Variants in MED21 observed in about 807,000 individuals in gnomAD.
The protein encoded by MED21 is mediator complex subunit 21.
MED21 carries 9 observed loss-of-function variants against 18.2 expected under a neutral mutation model. The ratio of observed to expected loss-of-function variants is 0.49; its 90% CI spans 0.30 to 0.86. The LOEUF is 0.86. Among genes scored for constraint, MED21 ranks in the 40% least tolerant of loss-of-function variants. The pLI is 0.07. For synonymous variants in MED21, 73 were observed against 60.5 expected, an observed-to-expected ratio of 1.21 and a Z score of -0.96; for missense variants, 150 against 170.9, an observed-to-expected ratio of 0.88 and a Z score of 0.68.
Position 27,030,399 on chromosome 12 carries a change from G to A in MED21, c.*1938G>A, listed in dbSNP as rs1039511642. ...ATTAATACTATACAGTAGACTATAA[G>A]AAATTAAGTATTTGTATCATCCCTA... On this transcript the variant is annotated 3_prime_UTR_variant, in exon 4 of 4. Transcript: ENST00000282892. The A allele has an allele frequency of 5.1e-6, 2 of 391,428 alleles. No homozygotes were observed. The highest frequency in any genetic ancestry group is 4.4e-5 in the Admixed American group (1 of 22,538). 24.2% of individuals were successfully genotyped at this position (391,428 alleles called of 1,614,324 possible).
chr12:27,032,569 A>G (rs1171762555), downstream of MED21, among the ~76,000 whole-genome samples: 1 of 152,166 alleles, frequency 6.6e-6, no homozygotes, highest in Admixed American at 6.5e-5. Flanking sequence ...GCCACTGACT[A>G]CAGTATTAAC....
intron 1 of MED21, among the ~76,000 whole-genome samples, chr12:27,023,927 C>CTA (rs1193588622): frequency 1.3e-5 from 2 of 152,098 alleles, no homozygotes; most frequent in East Asian, 3.9e-4. Context: ...ATTGTATGTG[C>CTA]TATGCTTTCA....
chr12:27,030,000 AAAG>A lies in MED21; in HGVS notation c.*1543_*1545del, dbSNP rs1344422855. ...GAAGGAAACTTAGAATGGCAGGAATAAAGAAGGCATAATGTATAGGGTAAATAT... is the reference window on the plus strand; with the variant it reads ...GAAGGAAACTTAGAATGGCAGGAATAAAGGCATAATGTATAGGGTAAATAT... On this transcript the variant is annotated 3_prime_UTR_variant, in exon 4 of 4. Transcript: ENST00000282892. 37 of 166,858 alleles carry A rather than the reference AAAG, an allele frequency of 2.2e-4. No individual in the cohort carries two copies. Among genetic ancestry groups the A allele is most frequent in the African/African-American group, 6.9e-4 (29 of 41,848 alleles). 10.3% of individuals were successfully genotyped at this position (166,858 alleles called of 1,614,324 possible).
intron 1 of MED21, among the ~76,000 whole-genome samples, chr12:27,025,169 G>A (rs941844249): frequency 3.3e-5 from 5 of 152,156 alleles, no homozygotes; most frequent in Non-Finnish European, 7.3e-5. Flanking sequence ...GCTATAATAG[G>A]AGAATGTATC....
At position 27,030,436 on chromosome 12, in the gene MED21, A is replaced by AT. The variant is rs1320929354; in HGVS notation, c.*1980dup. On this transcript the variant is annotated 3_prime_UTR_variant, in exon 4 of 4. Coordinates refer to ENST00000282892, the MANE Select transcript of MED21 (RefSeq NM_004264.5). ...TTGTATCATCCCTAGAGCGACACAG[A>AT]TTTTTCCCTAAAAAACTACAGATTA... The AT allele has an allele frequency of 1.1e-5, 4 of 379,000 alleles. No homozygotes were observed. Among genetic ancestry groups the AT allele is most frequent in the Non-Finnish European group, 1.9e-5 (4 of 215,148 alleles). 23.5% of individuals were successfully genotyped at this position (379,000 alleles called of 1,614,324 possible). A position where few individuals can be genotyped will look rare whatever the true frequency, so the allele number is the denominator to read the frequency against.
intron 2 of MED21, among the ~76,000 whole-genome samples, chr12:27,036,231 G>A (rs1173161960): frequency 6.6e-6 from 1 of 152,182 alleles, no homozygotes; most frequent in Admixed American, 6.5e-5. Flanking sequence ...CTGCATAAAT[G>A]TCTTCTTTTG....
intron 1 of MED21, among the ~76,000 whole-genome samples, chr12:27,026,180 C>G (rs190986942): frequency 9.8e-5 from 15 of 152,292 alleles, no homozygotes; most frequent in Admixed American, 2.6e-4. Context: ...ACTGTTTCAA[C>G]TAGATTTATA....
Position 27,030,524 on chromosome 12 carries a change from A to G in MED21, c.*2063A>G. ...AAAAGATTCAGGTAACCCAGGAACG[A>G]GAAACAGAATAAAACAATAGTAAAC... On this transcript the variant is annotated 3_prime_UTR_variant, in exon 4 of 4. Coordinates refer to ENST00000282892, the MANE Select transcript of MED21 (RefSeq NM_004264.5). 1 of 252,622 alleles carries G rather than the reference A, an allele frequency of 4.0e-6. No homozygotes were observed. Among genetic ancestry groups the G allele is most frequent in the Non-Finnish European group, 7.4e-6 (1 of 134,536 alleles). 15.6% of individuals were successfully genotyped at this position (252,622 alleles called of 1,614,324 possible).
intron 3 of MED21, 132 bp downstream of exon 3, chr12:27,027,579 A>G (rs1426635331): frequency 3.2e-6 from 2 of 623,670 alleles, no homozygotes; most frequent in Admixed American, 6.1e-5. Context: ...ATTTATAAAG[A>G]ACAGAAATTT....
At chr12:27,034,233 T>C (rs1399470943), downstream of MED21, among the ~76,000 whole-genome samples, 2 of 152,040 alleles carry the variant, frequency 1.3e-5, no homozygotes, top group Non-Finnish European at 2.9e-5. Flanking sequence ...CTGGCCAACA[T>C]GGAGAAACCC....
chr12:27,023,889 C>T (rs1047156702), intron 1 of MED21, among the ~76,000 whole-genome samples: 2 of 152,100 alleles, frequency 1.3e-5, no homozygotes, highest in African/African-American at 2.4e-5. Flanking sequence ...CATTTAGTAT[C>T]ATTATCAAGT....
Position 27,028,699 on chromosome 12 carries a change from GC to G in MED21, c.*239del, listed in dbSNP as rs1941577328. On this transcript the variant is annotated 3_prime_UTR_variant, in exon 4 of 4. Coordinates refer to ENST00000282892, the MANE Select transcript of MED21 (RefSeq NM_004264.5). ...TTTTTAACTGAGTGAAATTATTAAGGCATGTAATACATTAATGAACATAATA... is the reference window on the plus strand; with the variant it reads ...TTTTTAACTGAGTGAAATTATTAAGGATGTAATACATTAATGAACATAATA... 11 of 1,175,410 alleles carry G rather than the reference GC, an allele frequency of 9.4e-6. No homozygotes were observed. In the South Asian group the frequency reaches 4.0e-4, roughly 42 times the overall value. The allele number at this position is 1,175,410 out of a possible 1,614,324, so 72.8% of individuals were successfully genotyped here.
chr12:27,036,883 G>C (rs563429914), intron 2 of MED21, among the ~76,000 whole-genome samples: 78 of 152,308 alleles, frequency 5.1e-4, no homozygotes, highest in African/African-American at 1.8e-3. Context: ...GATGCCTCCA[G>C]CTTTGTTCTT....
intron 2 of MED21, chr12:27,037,014 T>C (rs1348561807): frequency 6.6e-6 from 1 of 152,156 alleles, no homozygotes; most frequent in Non-Finnish European, 1.5e-5. Context: ...GCATTGAATC[T>C]ATAAATTACC....
intron 2 of MED21, chr12:27,037,212 G>A (rs973176928): frequency 6.6e-6 from 1 of 150,942 alleles, no homozygotes; most frequent in Non-Finnish European, 1.5e-5. Flanking sequence ...ATTGTGAATG[G>A]GAGTTCACTC....
At chr12:27,033,688 G>A (rs1941633041), downstream of MED21, among the ~76,000 whole-genome samples, 1 of 152,130 alleles carries the variant, frequency 6.6e-6, no homozygotes, top group Non-Finnish European at 1.5e-5. Context: ...ATCACCTTGT[G>A]TGCAATTCAG....
rs536573597 is a variant in MED21 at position 27,030,158 on chromosome 12, G to T, written c.*1697G>T. On this transcript the variant is annotated 3_prime_UTR_variant, in exon 4 of 4. Coordinates refer to ENST00000282892, the MANE Select transcript of MED21 (RefSeq NM_004264.5). ...TTGTTCTTGTTTCTGTTTTTTTAAG[G>T]TGAAGTCTCTGTCACCCAAGCTGAA... The T allele has an allele frequency of 6.1e-5, 40 of 655,796 alleles. No individual in the cohort carries two copies. The South Asian group carries it at 6.3e-4, about 10-fold the overall frequency. The allele number at this position is 655,796 out of a possible 1,614,324, so 40.6% of individuals were successfully genotyped here.
chr12:27,033,833 A>G (rs1941634217), downstream of MED21, among the ~76,000 whole-genome samples: 1 of 152,230 alleles, frequency 6.6e-6, no homozygotes, highest in Non-Finnish European at 1.5e-5. Context: ...AACTTGTGGT[A>G]TTCGGCCAAG....
At position 27,028,625 on chromosome 12, in the gene MED21, A is replaced by T. The variant is rs547991731; in HGVS notation, c.*164A>T. 1.2e-4 allele frequency: 157 copies of T among 1,288,910 alleles called. No homozygotes were observed. The African/African-American group carries it at 2.2e-3, about 18-fold the overall frequency. The allele number at this position is 1,288,910 out of a possible 1,614,324, so 79.8% of individuals were successfully genotyped here. Reference sequence around the variant, plus strand: ...ATAGTCTTCTATTTTCACTCTTGATAAGCTTATAAAATCATGATTGAATCA... The same window carrying T: ...ATAGTCTTCTATTTTCACTCTTGATTAGCTTATAAAATCATGATTGAATCA... On this transcript the variant is annotated 3_prime_UTR_variant, in exon 4 of 4. Transcript: ENST00000282892.
Sources: gnomAD v4.1 joint callset for allele counts (sites outside exome capture counted in the v4.1 genomes callset) on GRCh38, gnomAD v4.1.1 for gene constraint, MANE v1.5 for transcripts, NCBI Gene and HGNC (gene_info 2026-07-23, HGNC 2026-07-21) for gene names.